The following SYNM variants were observed in gnomAD, a reference collection of about 807,000 sequenced individuals.
SYNM encodes synemin, also known as desmuslin.
SYNM carries 95 observed loss-of-function variants against 104.0 expected under a neutral mutation model. The observed-to-expected ratio is 0.91, with a 90% confidence interval of 0.77 to 1.08. SYNM has a LOEUF of 1.08. Ranked by LOEUF, SYNM falls within the 50% of genes least tolerant of loss-of-function variation. The probability of loss-of-function intolerance (pLI) is 0.00; values close to 1 mark genes in which losing one functional copy is unlikely to be tolerated. For synonymous variants in SYNM, 918 were observed against 869.0 expected, an observed-to-expected ratio of 1.06 and a Z score of -0.99; for missense variants, 2,150 against 2,052.2, an observed-to-expected ratio of 1.05 and a Z score of -0.92.
At chr15:99,139,772 G>T (rs28501250), downstream of SYNM, 7,001 of 1,295,220 alleles carry the variant, frequency 5.4e-3, 305 homozygotes, top group African/African-American at 0.092. Context: ...AAATAGTTTT[G>T]TTTTTTTTGT....
At chr15:99,113,325 A>AT (rs1555483598) in intron 1 of SYNM, among the ~76,000 whole-genome samples, 10 of 152,222 alleles carry the variant, frequency 6.6e-5, no homozygotes, top group African/African-American at 2.4e-4. Context: ...ATAAACTCCT[A>AT]AGCATTCATT....
chr15:99,128,237 A>T (rs2067465317), intron 3 of SYNM, among the ~76,000 whole-genome samples: 1 of 152,210 alleles, frequency 6.6e-6, no homozygotes, highest in Non-Finnish European at 1.5e-5. Context: ...AATACTTGTT[A>T]GTGTGCTTGT....
intron 3 of SYNM, 131 bp from the exon 4 acceptor site, chr15:99,129,236 A>T: frequency 7.6e-7 from 1 of 1,320,816 alleles, no homozygotes; most frequent in Non-Finnish European, 1.0e-6. Flanking sequence ...ACTTATCTTT[A>T]TAATGAGCTT....
chr15:99,114,976 C>T (rs972106751), intron 2 of SYNM, among the ~76,000 whole-genome samples: 8 of 152,196 alleles, frequency 5.3e-5, no homozygotes, highest in Non-Finnish European at 7.3e-5. Context: ...GCCTGCCAGA[C>T]GTGGTGCTGA....
At chr15:99,138,398 C>G (rs4965215), downstream of SYNM, among the ~76,000 whole-genome samples, 13,184 of 151,916 alleles carry the variant, frequency 0.087, 780 homozygotes, top group East Asian at 0.29. Flanking sequence ...CCTGCAACTT[C>G]CGCCTCCCAG....
At position 99,132,903 on chromosome 15, in the gene SYNM, G is replaced by A; in HGVS notation, c.4543G>A (p.Ala1515Thr). The change falls in exon 4 of 4, where the codon GCC (alanine) becomes ACC (threonine). Residue 1515 changes from alanine (A) to threonine (T), a missense_variant. Physicochemically the swap from Ala to Thr is moderately conservative, Grantham distance 58. Coordinates refer to ENST00000336292, the MANE Select transcript of SYNM (RefSeq NM_145728.3). ...GGCCTCTGCTGGGGAAGGAGACCAG[G>A]CCCACAGAGAACAGGGCAAGGAGCA... ...FKASAGEGDQ[A>T]HREQGKEQAM... 1 of 1,613,894 alleles carries A rather than the reference G, an allele frequency of 6.2e-7. No individual in the cohort carries two copies. The highest frequency in any genetic ancestry group is 1.1e-5 in the South Asian group (1 of 91,056).
In SYNM at chr15:99,126,771, C is replaced by T; in HGVS notation, c.985C>T (p.His329Tyr). The T allele has an allele frequency of 6.3e-7, 1 of 1,577,262 alleles. No homozygotes were observed. The highest frequency in any genetic ancestry group is 8.6e-7 in the Non-Finnish European group (1 of 1,160,484). Residue 329 changes from histidine (H) to tyrosine (Y), a missense_variant, in exon 3 of 4, where the codon CAC becomes TAC. Physicochemically the swap from His to Tyr is moderately conservative, Grantham distance 83. Coordinates refer to ENST00000336292, the MANE Select transcript of SYNM (RefSeq NM_145728.3). ...TCCAGAGATAGTGATCTGGGCTGAG[C>T]ACGTTGAAAACATGCCGTCAGGTAA... is the stretch of plus-strand genomic sequence containing the variant. Reference protein sequence around the residue: ...SNPEIVIWAEHVENMPSEFRN... With the variant: ...SNPEIVIWAEYVENMPSEFRN...
chr15:99,137,181 G>A (rs2067656246), downstream of SYNM: 2 of 152,512 alleles, frequency 1.3e-5, no homozygotes, highest in African/African-American at 4.8e-5. Flanking sequence ...GGCACTCAAA[G>A]CTTCCTGTTC....
Position 99,105,239 on chromosome 15 carries a change from G to A in SYNM, c.40G>A (p.Glu14Lys). ...WRLQTGPEKAELQELNARLYD... is the reference protein window; with the variant it reads ...WRLQTGPEKAKLQELNARLYD... ...GCTGCAGACGGGCCCCGAGAAGGCC[G>A]AGCTCCAGGAGCTCAACGCCCGGCT... The change falls in exon 1 of 4, where the codon GAG becomes AAG. Residue 14 changes from glutamate to lysine, a missense_variant. Glu to Lys is a moderately conservative substitution (Grantham distance 56, BLOSUM62 1). Transcript: ENST00000336292. 1 of 1,570,902 alleles carries A rather than the reference G, an allele frequency of 6.4e-7. No homozygotes were observed. The highest frequency in any genetic ancestry group is 2.3e-5 in the East Asian group (1 of 42,762).
Position 99,131,210 on chromosome 15 carries a change from G to A in SYNM, c.2850G>A (p.Val950=). Residue 950 remains valine, a synonymous_variant, in exon 4 of 4, where the codon GTG becomes GTA. Coordinates refer to ENST00000336292, the MANE Select transcript of SYNM (RefSeq NM_145728.3). This position sits in a 1 kb window ranked among gnomAD's most constrained non-coding sequence, Gnocchi z 4.3. ...ISSKEPRQQL[V]EVIGQLEETL... The stretch of plus-strand genomic sequence containing the variant: ...CCAAGGAGCCCCGGCAGCAGCTGGT[G>A]GAGGTCATCGGGCAGCTGGAGGAAA... The A allele has an allele frequency of 1.2e-6, 2 of 1,609,036 alleles. No individual in the cohort carries two copies. The highest frequency in any genetic ancestry group is 1.7e-6 in the Non-Finnish European group (2 of 1,177,826).
chr15:99,138,253 T>G (rs549555434), downstream of SYNM: 95 of 1,116,414 alleles, frequency 8.5e-5, no homozygotes, highest in Middle Eastern at 1.8e-3. Context: ...GGGCTATAAA[T>G]GAGAGGAGAA....
At chr15:99,138,986 A>G (rs893426693), downstream of SYNM, among the ~76,000 whole-genome samples, 1 of 152,228 alleles carries the variant, frequency 6.6e-6, no homozygotes, top group African/African-American at 2.4e-5. Context: ...ATCCGAGGGC[A>G]GAGGGAAGCC....
Position 99,105,655 on chromosome 15 carries a change from G to C in SYNM, c.456G>C (p.Val152=), listed in dbSNP as rs1170295785. 2.9e-6 allele frequency: 4 copies of C among 1,394,048 alleles called. No individual in the cohort carries two copies. The highest frequency in any genetic ancestry group is 3.7e-6 in the Non-Finnish European group (4 of 1,074,858). The allele number at this position is 1,394,048 out of a possible 1,614,324, so 86.4% of individuals were successfully genotyped here. A position where few individuals can be genotyped will look rare whatever the true frequency, so the allele number is the denominator to read the frequency against. Residue 152 remains valine (V), a synonymous_variant, in exon 1 of 4, where the codon GTG becomes GTC. Coordinates refer to ENST00000336292, the MANE Select transcript of SYNM (RefSeq NM_145728.3). ...TCGACGCGGCCCACGAACGCGACGT[G>C]AGGGAGCTGCGCGCGCGCGCCGCCA... The part of the protein sequence containing the change: ...RGLDAAHERD[V]RELRARAASL...
At chr15:99,112,959 C>A (rs1555483564) in intron 1 of SYNM, among the ~76,000 whole-genome samples, 1 of 152,228 alleles carries the variant, frequency 6.6e-6, no homozygotes, top group African/African-American at 2.4e-5. Flanking sequence ...GATCCGCCCG[C>A]TTCGGCCTCC....
downstream of SYNM, chr15:99,137,782 T>C (rs1341386578): frequency 3.3e-6 from 2 of 612,548 alleles, no homozygotes; most frequent in Admixed American, 6.3e-5. Context: ...AAAAACCACT[T>C]AGGTGATAGA....
chr15:99,126,214 T>C (rs1228486332), intron 2 of SYNM, among the ~76,000 whole-genome samples: 2 of 152,172 alleles, frequency 1.3e-5, no homozygotes, highest in Non-Finnish European at 2.9e-5. Context: ...ACAGATGCAG[T>C]CTGGCTGCCT....
downstream of SYNM, chr15:99,139,499 G>T: frequency 6.4e-7 from 1 of 1,568,692 alleles, no homozygotes; most frequent in Non-Finnish European, 8.7e-7. Context: ...CTCATTCTTA[G>T]GCCCTGCTGT....
At chr15:99,120,953 CT>C (rs1315988839) in intron 2 of SYNM, among the ~76,000 whole-genome samples, 3 of 152,040 alleles carry the variant, frequency 2.0e-5, no homozygotes, top group Non-Finnish European at 4.4e-5. Context: ...TCACTGCCCC[CT>C]AACAGGGAAA....
Position 99,132,839 on chromosome 15 carries a change from G to A in SYNM, c.4479G>A (p.Ala1493=), listed in dbSNP as rs1294431361. ...CTGACCGTGGTTCCTGGAGAGACGC[G>A]GACAGTAGGAATGACCAGGCAGTTG... is the stretch of plus-strand genomic sequence containing the variant. ...GVSDRGSWRD[A]DSRNDQAVGV... Residue 1493 remains alanine (A), a synonymous_variant, in exon 4 of 4, where the codon GCG becomes GCA. Coordinates refer to ENST00000336292, the MANE Select transcript of SYNM (RefSeq NM_145728.3). The A allele has an allele frequency of 5.0e-6, 8 of 1,613,894 alleles. No individual in the cohort carries two copies. The highest frequency in any genetic ancestry group is 2.2e-5 in the East Asian group (1 of 44,880).
Sources: allele counts gnomAD v4.1 joint callset (sites outside exome capture counted in the v4.1 genomes callset), GRCh38; gene constraint gnomAD v4.1.1; non-coding constraint Gnocchi (gnomAD v3.1); transcripts MANE v1.5; gene names NCBI Gene and HGNC (gene_info 2026-07-23, HGNC 2026-07-21).